The following RARB variants were observed in gnomAD, a reference collection of about 807,000 sequenced individuals.
The protein encoded by RARB is HBV-activated protein.
A neutral mutation model predicts 51.9 loss-of-function variants in RARB; 17 were observed. The ratio of observed to expected loss-of-function variants is 0.33; its 90% CI spans 0.22 to 0.49. The LOEUF (loss-of-function observed/expected upper bound fraction) is 0.49, where lower values mean the gene tolerates loss of function less well. Among genes scored for constraint, RARB ranks in the 20% least tolerant of loss-of-function variants. RARB has a pLI of 0.99. For missense variants in RARB, 369 were observed against 550.8 expected (o/e 0.67, Z 3.30); for synonymous variants, 215 against 195.4 (o/e 1.10, Z -0.84).
chr3:25,303,172 A>G (rs537109830), intron 5 of RARB, among the ~76,000 whole-genome samples: 11 of 152,244 alleles, frequency 7.2e-5, no homozygotes, highest in South Asian at 4.1e-4. Flanking sequence ...CCCAAAGCCT[A>G]TATTATATTC....
intron 3 of RARB, among the ~76,000 whole-genome samples, chr3:25,087,973 T>C (rs1699131629): frequency 6.6e-6 from 1 of 151,814 alleles, no homozygotes; most frequent in Admixed American, 6.6e-5. Flanking sequence ...TTCTCCTAAG[T>C]ATAGGAACAA....
intron 2 of RARB, among the ~76,000 whole-genome samples, chr3:24,981,466 C>T (rs957917638): frequency 2.0e-5 from 3 of 152,110 alleles, no homozygotes; most frequent in African/African-American, 7.2e-5. Context: ...ACACTGTGAG[C>T]ATATAACTGC....
chr3:25,188,989 A>C (rs1701039004), intron 5 of RARB, among the ~76,000 whole-genome samples: 1 of 152,200 alleles, frequency 6.6e-6, no homozygotes, highest in Non-Finnish European at 1.5e-5. Context: ...TTGCTCAAAC[A>C]AACTAAAAGT....
At chr3:25,035,789 C>T (rs979348506) in intron 2 of RARB, among the ~76,000 whole-genome samples, 8 of 152,280 alleles carry the variant, frequency 5.3e-5, no homozygotes, top group African/African-American at 1.9e-4. Flanking sequence ...GGCTGTGTTC[C>T]AGTAAAACTT....
At chr3:25,433,130 T>C (rs1708274922) in intron 1 of RARB, among the ~76,000 whole-genome samples, 1 of 152,178 alleles carries the variant, frequency 6.6e-6, no homozygotes, top group East Asian at 1.9e-4. Flanking sequence ...TGAAAACCTT[T>C]CCAAAGATAT....
chr3:25,059,761 A>G (rs997680826), intron 2 of RARB, among the ~76,000 whole-genome samples: 6 of 151,754 alleles, frequency 4.0e-5, no homozygotes, highest in Admixed American at 4.0e-4. Flanking sequence ...TTTAAAAAAA[A>G]GCAAGCAAAA....
intron 4 of RARB, among the ~76,000 whole-genome samples, chr3:25,577,268 T>C (rs192715778): frequency 4.1e-4 from 62 of 152,252 alleles, no homozygotes; most frequent in Middle Eastern, 3.4e-3. Context: ...ATCAGCCAAA[T>C]GGGGACCATA....
At chr3:25,554,254 AG>A (rs1187524613) in intron 3 of RARB, among the ~76,000 whole-genome samples, 2 of 150,166 alleles carry the variant, frequency 1.3e-5, no homozygotes, top group Non-Finnish European at 3.0e-5. Flanking sequence ...AAAAAACATG[AG>A]GGGGTGAGTA....
chr3:25,340,058 G>T (rs920052754), intron 5 of RARB, among the ~76,000 whole-genome samples: 1 of 152,092 alleles, frequency 6.6e-6, no homozygotes, highest in African/African-American at 2.4e-5. Flanking sequence ...ACTAGCTATT[G>T]GTACAGAGCA....
intron 2 of RARB, among the ~76,000 whole-genome samples, chr3:24,897,194 A>G (rs971404488): frequency 3.3e-5 from 5 of 152,198 alleles, no homozygotes; most frequent in African/African-American, 1.2e-4. Context: ...TGTATCTATC[A>G]TTTCATAATT....
At chr3:25,023,120 G>C (rs1438380125) in intron 2 of RARB, among the ~76,000 whole-genome samples, 1 of 152,166 alleles carries the variant, frequency 6.6e-6, no homozygotes, top group Non-Finnish European at 1.5e-5. Context: ...CTTTCAGTAA[G>C]GAGTCCCCTT....
intron 2 of RARB, among the ~76,000 whole-genome samples, chr3:25,026,409 G>A (rs935697259): frequency 1.2e-4 from 19 of 152,184 alleles, no homozygotes; most frequent in Admixed American, 3.3e-4. Context: ...GGTGGGTGTC[G>A]TGTCCTCTGA....
rs1054260947 is a variant in RARB, at chr3:25,252,129, T to C, written c.178+77554T>C. 3.3e-5 allele frequency among the ~76,000 whole-genome samples: 5 copies of C among 152,204 alleles called. No homozygotes were observed. In the East Asian group the frequency reaches 9.6e-4, roughly 29 times the overall value. ...TAAAAAGATTATTCTTTACTACCAT[T>C]AAATTTTCTTGCCACCCTTGTCAAA... is the stretch of plus-strand genomic sequence containing the variant. On this transcript the variant is annotated intron_variant, in intron 5 of 11. Coordinates refer to the RARB transcript ENST00000383772.
chr3:25,157,819 G>A (rs1341902076), intron 4 of RARB, among the ~76,000 whole-genome samples: 1 of 152,276 alleles, frequency 6.6e-6, no homozygotes, highest in African/African-American at 2.4e-5. Flanking sequence ...TCTAACAGAA[G>A]CTTGATTGCT....
chr3:25,571,039 T>C (rs1700688891), intron 4 of RARB, among the ~76,000 whole-genome samples: 1 of 151,730 alleles, frequency 6.6e-6, no homozygotes, highest in Admixed American at 6.6e-5. Flanking sequence ...TGTAACACAA[T>C]AATGGTGACC....
chr3:24,851,113 A>C (rs1352131751), intron 1 of RARB, among the ~76,000 whole-genome samples: 1 of 152,128 alleles, frequency 6.6e-6, no homozygotes, highest in African/African-American at 2.4e-5. Context: ...GACATATTGG[A>C]GACAGGAGAG....
At chr3:25,105,149 T>C (rs538490228) in intron 3 of RARB, among the ~76,000 whole-genome samples, 2 of 152,138 alleles carry the variant, frequency 1.3e-5, no homozygotes, top group Non-Finnish European at 2.9e-5. Context: ...TTACATTATT[T>C]TTAGTGTCAG....
intron 2 of RARB, among the ~76,000 whole-genome samples, chr3:24,861,759 T>C (rs1242013988): frequency 6.6e-6 from 1 of 152,176 alleles, no homozygotes; most frequent in Non-Finnish European, 1.5e-5. Flanking sequence ...ACACGTCATG[T>C]AGCCTCTGGA....
At chr3:24,892,932 C>T (rs1202519362) in intron 2 of RARB, among the ~76,000 whole-genome samples, 2 of 152,196 alleles carry the variant, frequency 1.3e-5, no homozygotes, top group East Asian at 3.8e-4. Context: ...GGTCTCTTGG[C>T]AATTGCTTTT....
Sources: allele counts gnomAD v4.1 joint callset (sites outside exome capture counted in the v4.1 genomes callset), GRCh38; gene constraint gnomAD v4.1.1; transcripts MANE v1.5; gene names NCBI Gene and HGNC (gene_info 2026-07-23, HGNC 2026-07-21).